SCTR: variants seen among roughly 807,000 people sequenced by gnomAD.
SCTR encodes secretin receptor, also known as pancreatic secretin receptor.
In SCTR, 56 loss-of-function variants were observed where a neutral mutation model predicts 60.8. The observed-to-expected ratio is 0.92, with a 90% CI of 0.74 to 1.15. The LOEUF is 1.15. Among genes scored for constraint, SCTR ranks in the 50% most tolerant of loss-of-function variants. SCTR has a pLI of 0.00. For synonymous variants in SCTR, 202 were observed against 217.0 expected (o/e 0.93, Z 0.61); for missense variants, 562 against 550.4 (o/e 1.02, Z -0.21).
At chr2:119,491,920 G>C (rs1678148407) in intron 2 of SCTR, among the ~76,000 whole-genome samples, 1 of 152,212 alleles carries the variant, frequency 6.6e-6, no homozygotes, top group African/African-American at 2.4e-5. Flanking sequence ...AGGAGGACCT[G>C]GTTTTGCTCC....
chr2:119,523,432 T>TATTATC (rs1237321324), intron 1 of SCTR, among the ~76,000 whole-genome samples: 1 of 146,910 alleles, frequency 6.8e-6, no homozygotes, highest in Non-Finnish European at 1.5e-5. Context: ...TTATTATTAT[T>TATTATC]ATTATTATTT....
At chr2:119,442,900 G>A (rs1682708931) in intron 11 of SCTR, among the ~76,000 whole-genome samples, 1 of 152,104 alleles carries the variant, frequency 6.6e-6, no homozygotes, top group Admixed American at 6.6e-5. Context: ...AACAGACTTG[G>A]ATCGGAGCAC....
At chr2:119,493,665 G>T (rs1678225024) in intron 2 of SCTR, among the ~76,000 whole-genome samples, 1 of 126,400 alleles carries the variant, frequency 7.9e-6, no homozygotes, top group Non-Finnish European at 1.6e-5. Flanking sequence ...TTTTGAGACA[G>T]AGTTTCACTC....
chr2:119,494,354 A>G, intron 2 of SCTR, 74 bp downstream of exon 2: 1 of 1,531,516 alleles, frequency 6.5e-7, no homozygotes, highest in Non-Finnish European at 8.9e-7. Flanking sequence ...GGCCCAGGAT[A>G]AGCTCCCCCT....
chr2:119,508,209 C>A (rs528963628), intron 1 of SCTR, among the ~76,000 whole-genome samples: 1 of 152,028 alleles, frequency 6.6e-6, no homozygotes, highest in Non-Finnish European at 1.5e-5. Flanking sequence ...GTGGATATTG[C>A]GGTGAACCAT....
chr2:119,493,517 G>A (rs948839511), intron 2 of SCTR, among the ~76,000 whole-genome samples: 43 of 152,206 alleles, frequency 2.8e-4, no homozygotes, highest in African/African-American at 1.0e-3. Context: ...AGTGCTTAAA[G>A]TGTTGATTAA....
chr2:119,481,111 T>C (rs1260753428), intron 2 of SCTR, among the ~76,000 whole-genome samples: 1 of 152,218 alleles, frequency 6.6e-6, no homozygotes, highest in Non-Finnish European at 1.5e-5. Context: ...TCCTTTTTCA[T>C]CTGGATTCAG....
At chr2:119,465,573 C>T (rs896251656) in intron 5 of SCTR, among the ~76,000 whole-genome samples, 8 of 152,086 alleles carry the variant, frequency 5.3e-5, no homozygotes, top group South Asian at 2.1e-4. Flanking sequence ...AGCGACCGGC[C>T]GCAAGTTCTC....
chr2:119,448,026 G>A (rs1011634970), intron 10 of SCTR, among the ~76,000 whole-genome samples: 4 of 152,152 alleles, frequency 2.6e-5, no homozygotes, highest in Admixed American at 2.0e-4. Context: ...AGGATGGAGT[G>A]GGGCCTAATC....
In SCTR at chr2:119,478,886, A is replaced by G; in HGVS notation, c.226T>C (p.Trp76Arg). 3.7e-6 allele frequency: 6 copies of G among 1,614,200 alleles called. No homozygotes were observed. The highest frequency in any genetic ancestry group is 5.1e-6 in the Non-Finnish European group (6 of 1,180,030). The change falls in exon 3 of 13, where the codon TGG becomes CGG. Residue 76 changes from tryptophan to arginine, a missense_variant. By Grantham distance (101) the Trp-to-Arg change is moderately radical. Transcript: ENST00000019103. ...CEGMWDNISCWPSSVPGRMVE... is the reference protein window; with the variant it reads ...CEGMWDNISCRPSSVPGRMVE... ...ATCCGGCCCGGCACAGAAGAGGGCC[A>G]GCAGCTTATGTTGTCCCACATCCCC...
At chr2:119,493,553 C>T (rs907269860) in intron 2 of SCTR, among the ~76,000 whole-genome samples, 1 of 151,558 alleles carries the variant, frequency 6.6e-6, no homozygotes, top group East Asian at 1.9e-4. Flanking sequence ...TTTAAATTAG[C>T]AATATTTACA....
At chr2:119,441,147 T>C (rs1007965691) in intron 12 of SCTR, among the ~76,000 whole-genome samples, 1 of 152,154 alleles carries the variant, frequency 6.6e-6, no homozygotes, top group Non-Finnish European at 1.5e-5. Flanking sequence ...ATGGGCAGAC[T>C]GAGGCCCAGA....
rs139442253 is a variant in SCTR, at chr2:119,522,341, A to G, written c.72+1814T>C. On this transcript the variant is annotated intron_variant, in intron 1 of 12. Transcript: ENST00000019103. ...AAAAGAAAAAGGAAATACAAGGGGT[A>G]TAAAAGACAGAGCCCTGGATGGTTG... Among the ~76,000 whole-genome samples the G allele has an allele frequency of 5.3e-5, 8 of 152,176 alleles. No individual in the cohort carries two copies. The East Asian group carries it at 1.5e-3, about 29-fold the overall frequency.
At chr2:119,518,344 G>A (rs1679176917) in intron 1 of SCTR, among the ~76,000 whole-genome samples, 1 of 144,606 alleles carries the variant, frequency 6.9e-6, no homozygotes, top group African/African-American at 2.9e-5. Context: ...GAGCCCATCT[G>A]TTGAACATGA....
chr2:119,480,607 G>A (rs1469218042), intron 2 of SCTR: 1 of 152,224 alleles, frequency 6.6e-6, no homozygotes, highest in African/African-American at 2.4e-5. Context: ...TAAACAAGCT[G>A]TTCGGCAGGT....
At chr2:119,489,813 G>A (rs992471115) in intron 2 of SCTR, among the ~76,000 whole-genome samples, 8 of 152,262 alleles carry the variant, frequency 5.3e-5, no homozygotes, top group Non-Finnish European at 1.0e-4. Context: ...ATGTGGACAG[G>A]GGCCAAGTCA....
chr2:119,445,761 C>T (rs940821259), intron 11 of SCTR, among the ~76,000 whole-genome samples: 17 of 152,122 alleles, frequency 1.1e-4, no homozygotes, highest in Admixed American at 1.3e-4. Context: ...TATGGATATG[C>T]GAAATTTTGA....
chr2:119,466,031 A>C (rs1683821403), intron 4 of SCTR, 145 bp from the exon 5 acceptor site: 2 of 615,350 alleles, frequency 3.3e-6, no homozygotes, highest in East Asian at 2.9e-5. Flanking sequence ...ACAGACACAT[A>C]ACACCGTAAC....
chr2:119,496,218 T>C (rs1376878985), intron 1 of SCTR, among the ~76,000 whole-genome samples: 2 of 151,978 alleles, frequency 1.3e-5, no homozygotes, highest in African/African-American at 2.4e-5. Context: ...TCAGCACACA[T>C]GCTGTTCAGA....
Sources: gnomAD v4.1 joint callset for allele counts (sites outside exome capture counted in the v4.1 genomes callset) on GRCh38, gnomAD v4.1.1 for gene constraint, MANE v1.5 for transcripts, NCBI Gene and HGNC (gene_info 2026-07-23, HGNC 2026-07-21) for gene names.